Variants in PEBP4 observed in about 807,000 individuals in gnomAD.
PEBP4 encodes phosphatidylethanolamine binding protein 4.
Under a neutral mutation model 23.9 loss-of-function variants are expected in PEBP4, and 22 were observed. The ratio of observed to expected loss-of-function variants is 0.92; its 90% CI spans 0.66 to 1.31. The LOEUF (loss-of-function observed/expected upper bound fraction) is 1.31. Ranked by LOEUF, PEBP4 falls within the 40% of genes most tolerant of loss-of-function variation. The pLI, the probability that PEBP4 is intolerant of heterozygous loss-of-function variation, is 0.00. For synonymous variants in PEBP4, 112 were observed against 99.3 expected (o/e 1.13, Z -0.76); for missense variants, 324 against 281.7 (o/e 1.15, Z -1.07).
intron 3 of PEBP4, among the ~76,000 whole-genome samples, chr8:22,841,870 G>T (rs1029330714): frequency 6.6e-6 from 1 of 152,234 alleles, no homozygotes; most frequent in South Asian, 2.1e-4. Context: ...CACTGCCTTC[G>T]CAGAGAACCA....
intron 4 of PEBP4, among the ~76,000 whole-genome samples, chr8:22,816,375 C>T (rs1432683184): frequency 3.9e-5 from 6 of 152,200 alleles, no homozygotes; most frequent in African/African-American, 1.2e-4. Context: ...ACTGGGCCAC[C>T]AGCTGGTTGC....
At chr8:22,734,866 T>C (rs781361085) in intron 4 of PEBP4, among the ~76,000 whole-genome samples, 1 of 152,186 alleles carries the variant, frequency 6.6e-6, no homozygotes, top group Non-Finnish European at 1.5e-5. Flanking sequence ...GTAAGGAGTT[T>C]ACCCAGGATG....
chr8:22,791,201 G>T (rs539543880), intron 4 of PEBP4, among the ~76,000 whole-genome samples: 9 of 152,268 alleles, frequency 5.9e-5, no homozygotes, highest in African/African-American at 2.2e-4. Flanking sequence ...GGAAGGGGCT[G>T]CCATATCTAG....
At chr8:22,740,859 T>G (rs550004200) in intron 4 of PEBP4, among the ~76,000 whole-genome samples, 1 of 152,116 alleles carries the variant, frequency 6.6e-6, no homozygotes, top group Non-Finnish European at 1.5e-5. Flanking sequence ...CCCAAGTTAG[T>G]GACTCTGGGT....
intron 4 of PEBP4, among the ~76,000 whole-genome samples, chr8:22,787,624 A>G (rs534858777): frequency 1.3e-5 from 2 of 152,246 alleles, no homozygotes; most frequent in Non-Finnish European, 2.9e-5. Flanking sequence ...TACGCAGTCA[A>G]CAAACACTTG....
intron 4 of PEBP4, among the ~76,000 whole-genome samples, chr8:22,796,257 CGTGTGTGTGTGTGT>C (rs34887072): frequency 6.7e-6 from 1 of 149,766 alleles, no homozygotes; most frequent in African/African-American, 2.5e-5. Flanking sequence ...CTCAAGTGTG[CGTGTGTGTGTGTGT>C]GTGTGTGTGT....
intron 3 of PEBP4, among the ~76,000 whole-genome samples, chr8:22,880,785 G>A (rs1333052031): frequency 2.0e-5 from 3 of 152,234 alleles, no homozygotes; most frequent in African/African-American, 4.8e-5. Flanking sequence ...ACCCACTGGG[G>A]CTCTGGCAGG....
intron 5 of PEBP4, 130 bp from the exon 6 acceptor site, chr8:22,725,086 G>T: frequency 1.6e-6 from 1 of 637,898 alleles, no homozygotes; most frequent in Non-Finnish European, 2.8e-6. Context: ...CAAAACATTA[G>T]GATTTGTATT....
chr8:22,868,531 T>A (rs2128770015), intron 3 of PEBP4, among the ~76,000 whole-genome samples: 1 of 152,230 alleles, frequency 6.6e-6, no homozygotes, highest in Non-Finnish European at 1.5e-5. Context: ...CAAACAACCC[T>A]GAACTCTAAA....
At chr8:22,761,238 GTGTGTGTGTGTGTT>G (rs1359963445) in intron 4 of PEBP4, among the ~76,000 whole-genome samples, 1 of 151,758 alleles carries the variant, frequency 6.6e-6, no homozygotes, top group Non-Finnish European at 1.5e-5. Flanking sequence ...GGGGTGGGGT[GTGTGTGTGTGTGTT>G]TGTGTGTGTG....
intron 3 of PEBP4, among the ~76,000 whole-genome samples, chr8:22,836,288 G>T (rs1807202896): frequency 6.6e-6 from 1 of 152,132 alleles, no homozygotes; most frequent in African/African-American, 2.4e-5. Flanking sequence ...GGCTTCTCTG[G>T]GATTCAAAAT....
intron 3 of PEBP4, among the ~76,000 whole-genome samples, chr8:22,905,812 G>C (rs1050873732): frequency 6.6e-6 from 1 of 152,170 alleles, no homozygotes; most frequent in Non-Finnish European, 1.5e-5. Context: ...AGATGAACGA[G>C]GAGGAGGAAA....
intron 3 of PEBP4, among the ~76,000 whole-genome samples, chr8:22,850,866 G>A (rs930402292): frequency 1.3e-5 from 2 of 152,178 alleles, no homozygotes; most frequent in Non-Finnish European, 2.9e-5. Flanking sequence ...TCCAAGTTTA[G>A]AAAAGAGTTG....
chr8:22,805,298 G>A (rs766666678), intron 4 of PEBP4, among the ~76,000 whole-genome samples: 6 of 152,210 alleles, frequency 3.9e-5, no homozygotes, highest in African/African-American at 1.4e-4. Flanking sequence ...TAAAGATGTA[G>A]GTTCACGGAT....
intron 4 of PEBP4, among the ~76,000 whole-genome samples, chr8:22,799,409 A>G (rs1806335484): frequency 6.6e-6 from 1 of 152,232 alleles, no homozygotes; most frequent in Non-Finnish European, 1.5e-5. Flanking sequence ...AAGGAATTTT[A>G]GGCACCTCTA....
At chr8:22,797,271 A>C (rs4872026) in intron 4 of PEBP4, among the ~76,000 whole-genome samples, 51,811 of 145,586 alleles carry the variant, frequency 0.36, 9,727 homozygotes, top group Middle Eastern at 0.44. Flanking sequence ...AAAAAAAAAA[A>C]AGACAGAAAG....
chr8:22,793,867 A>G (rs761336324), intron 4 of PEBP4, among the ~76,000 whole-genome samples: 1 of 152,238 alleles, frequency 6.6e-6, no homozygotes. Context: ...CATTCAATAC[A>G]CACAGCCAAA....
chr8:22,857,043 C>G (rs1036102886), intron 3 of PEBP4, among the ~76,000 whole-genome samples: 46 of 152,060 alleles, frequency 3.0e-4, no homozygotes, highest in African/African-American at 1.1e-3. Context: ...AAAAAAAGCA[C>G]AAAATTATAA....
intron 3 of PEBP4, among the ~76,000 whole-genome samples, chr8:22,830,300 T>TTGTGTGTG (rs557261932): frequency 2.0e-5 from 3 of 148,686 alleles, no homozygotes; most frequent in Non-Finnish European, 4.5e-5. Flanking sequence ...TGGCTAATTT[T>TTGTGTGTG]TGTGTGTGTG....
Sources: allele counts gnomAD v4.1 joint callset (sites outside exome capture counted in the v4.1 genomes callset), GRCh38; gene constraint gnomAD v4.1.1; transcripts MANE v1.5; gene names NCBI Gene and HGNC (gene_info 2026-07-23, HGNC 2026-07-21).